The following CSMD2 variants were observed in gnomAD, a reference collection of about 807,000 sequenced individuals.
CSMD2 encodes CUB and Sushi multiple domains 2, also known as CUB and sushi domain-containing protein 2.
A neutral mutation model predicts 398.5 loss-of-function variants in CSMD2; 130 were observed. The observed-to-expected ratio is 0.33, with a 90% confidence interval of 0.28 to 0.38. The LOEUF is 0.38. Ranked by LOEUF, CSMD2 falls within the 10% of genes least tolerant of loss-of-function variation. CSMD2 has a pLI of 1.00. For synonymous variants in CSMD2, 1,828 were observed against 1,908.5 expected (o/e 0.96, Z 1.10); for missense variants, 3,829 against 4,764.9 (o/e 0.80, Z 5.78).
At position 33,660,914 on chromosome 1, in the gene CSMD2, G is replaced by A. The variant is rs76358551; in HGVS notation, c.4255+1976C>T. Among the ~76,000 whole-genome samples the A allele has an allele frequency of 3.0e-3, 464 of 152,292 alleles. 1 individual carries two copies. The highest frequency in any genetic ancestry group is 5.6e-3 in the Non-Finnish European group (382 of 68,024). ...TCAAGTAGGTGCCCAGCTTCAAGAC[G>A]AGACAGAATGCCTGGTATTGAATAA... On this transcript the variant is annotated intron_variant, in intron 26 of 70. Coordinates refer to ENST00000373381, the MANE Select transcript of CSMD2 (RefSeq NM_001281956.2).
chr1:33,727,534 TCA>T (rs1646576782), intron 15 of CSMD2, among the ~76,000 whole-genome samples: 1 of 152,158 alleles, frequency 6.6e-6, no homozygotes, highest in Non-Finnish European at 1.5e-5. Context: ...TTATGCAAGG[TCA>T]CGTGACTGCT....
At position 33,904,975 on chromosome 1, in the gene CSMD2, G is replaced by GT. The variant is rs35018321; in HGVS notation, c.920+13118dup. ...GGTTTTATGTTATATATATTTTTCC[G>GT]TTTTTTTTTTTAAGAGACAGGGTCT... On this transcript the variant is annotated intron_variant, in intron 5 of 70. Coordinates refer to ENST00000373381, the MANE Select transcript of CSMD2 (RefSeq NM_001281956.2). Among the ~76,000 whole-genome samples, 782 of 145,786 alleles carry GT rather than the reference G, an allele frequency of 5.4e-3. 2 individuals are homozygous for GT. Among genetic ancestry groups the GT allele is most frequent in the African/African-American group, 0.013 (530 of 40,092 alleles).
intron 37 of CSMD2, 145 bp downstream of exon 37, chr1:33,622,022 G>A (rs1376285807): frequency 5.8e-6 from 4 of 687,518 alleles, no homozygotes. Context: ...CCTTCTCTGG[G>A]CTTTAGCATC....
chr1:33,793,423 T>G (rs1322301562), intron 10 of CSMD2, among the ~76,000 whole-genome samples: 1 of 151,970 alleles, frequency 6.6e-6, no homozygotes, highest in Non-Finnish European at 1.5e-5. Flanking sequence ...CAGTGTCTGT[T>G]GCTAGCAGAT....
chr1:33,542,964 G>T (rs1184266169), intron 57 of CSMD2, 68 bp from the exon 58 acceptor site: 3 of 1,382,008 alleles, frequency 2.2e-6, no homozygotes, highest in Non-Finnish European at 3.0e-6. Context: ...ACTGATAACT[G>T]CCCAGAGTGG....
At chr1:34,029,406 T>C (rs942359154) in intron 3 of CSMD2, among the ~76,000 whole-genome samples, 13 of 152,232 alleles carry the variant, frequency 8.5e-5, no homozygotes, top group Admixed American at 3.3e-4. Context: ...CCCGATTCAG[T>C]TGCCTGTTGA....
intron 45 of CSMD2, 59 bp from the exon 46 acceptor site, chr1:33,586,676 A>AAGTGGGTTCAAGGT: frequency 9.4e-7 from 1 of 1,063,606 alleles, no homozygotes; most frequent in Non-Finnish European, 1.5e-6. Context: ...TAGTACCTTG[A>AAGTGGGTTCAAGGT]ACCCACTTCC....
At chr1:34,162,934 C>T (rs1427557980) in intron 1 of CSMD2, among the ~76,000 whole-genome samples, 1 of 152,040 alleles carries the variant, frequency 6.6e-6, no homozygotes, top group East Asian at 1.9e-4. Flanking sequence ...CAGGGCCTGC[C>T]GGAGAGGAAC....
intron 47 of CSMD2, among the ~76,000 whole-genome samples, chr1:33,581,520 A>C (rs1638714051): frequency 7.4e-6 from 1 of 134,716 alleles, no homozygotes; most frequent in Non-Finnish European, 1.6e-5. Context: ...ACAGAGAAAG[A>C]CTCAGTCTCA....
At chr1:33,752,372 C>T (rs1648370386) in intron 13 of CSMD2, among the ~76,000 whole-genome samples, 1 of 151,170 alleles carries the variant, frequency 6.6e-6, no homozygotes, top group African/African-American at 2.4e-5. Context: ...AGTGTGGTGC[C>T]CCCACCCTAC....
At chr1:34,018,036 TA>T (rs72287924) in intron 3 of CSMD2, among the ~76,000 whole-genome samples, 2 of 151,748 alleles carry the variant, frequency 1.3e-5, no homozygotes, top group African/African-American at 4.8e-5. Flanking sequence ...AAGAGGAACT[TA>T]AAAAAAAATT....
At chr1:33,544,102 C>CTTT (rs57678063) in intron 57 of CSMD2, among the ~76,000 whole-genome samples, 14 of 89,336 alleles carry the variant, frequency 1.6e-4, no homozygotes, top group East Asian at 3.2e-4. Context: ...CCATATTTGT[C>CTTT]TTTTTTTTTT....
intron 6 of CSMD2, chr1:33,838,909 G>A (rs1660577194): frequency 6.5e-6 from 1 of 152,812 alleles, no homozygotes; most frequent in Non-Finnish European, 1.5e-5. Context: ...GATTAGCAAA[G>A]GTGTTAATCC....
At chr1:33,826,235 A>G (rs3845477) in intron 6 of CSMD2, among the ~76,000 whole-genome samples, 104,652 of 151,970 alleles carry the variant, frequency 0.69, 37,279 homozygotes, top group African/African-American at 0.89. Context: ...CCAAATTGTC[A>G]CTACTCATTG....
At chr1:33,941,681 T>C (rs937636424) in intron 3 of CSMD2, among the ~76,000 whole-genome samples, 3 of 152,178 alleles carry the variant, frequency 2.0e-5, no homozygotes, top group African/African-American at 7.2e-5. Flanking sequence ...CCCTTATTTT[T>C]AGCGGTTTGG....
intron 4 of CSMD2, among the ~76,000 whole-genome samples, chr1:33,931,405 A>G (rs971956898): frequency 2.0e-5 from 3 of 151,846 alleles, no homozygotes; most frequent in African/African-American, 7.3e-5. Context: ...AAAATCACTG[A>G]CATTATTGAG....
intron 26 of CSMD2, among the ~76,000 whole-genome samples, chr1:33,658,696 T>C (rs1644029618): frequency 6.6e-6 from 1 of 152,020 alleles, no homozygotes; most frequent in African/African-American, 2.4e-5. Flanking sequence ...ACCCTGACCC[T>C]ACAAAAAAAT....
chr1:33,614,662 G>C (rs1266948449), intron 39 of CSMD2, 42 bp from the exon 40 acceptor site: 17 of 1,140,398 alleles, frequency 1.5e-5, no homozygotes, highest in Non-Finnish European at 2.2e-5. Flanking sequence ...ACAACATCAA[G>C]GGGTGTACAG....
intron 2 of CSMD2, among the ~76,000 whole-genome samples, chr1:34,045,258 T>C (rs775511210): frequency 2.0e-5 from 3 of 152,122 alleles, no homozygotes; most frequent in Non-Finnish European, 2.9e-5. Context: ...GGAAAGGATA[T>C]GCCCAGAGAA....
Sources: gnomAD v4.1 joint callset for allele counts (sites outside exome capture counted in the v4.1 genomes callset) on GRCh38, gnomAD v4.1.1 for gene constraint, MANE v1.5 for transcripts, NCBI Gene and HGNC (gene_info 2026-07-23, HGNC 2026-07-21) for gene names.